The following CDKL5 variants were observed in gnomAD, a reference collection of about 807,000 sequenced individuals.
CDKL5 encodes cyclin-dependent kinase-like 5.
CDKL5 carries 8 observed loss-of-function variants against 61.7 expected under a neutral mutation model. That is an observed-to-expected ratio of 0.13 (90% CI 0.08 to 0.23). CDKL5 has a LOEUF of 0.23. Among genes scored for constraint, CDKL5 ranks in the 10% least tolerant of loss-of-function variants. The probability of loss-of-function intolerance (pLI) is 1.00; values close to 1 mark genes in which losing one functional copy is unlikely to be tolerated. For synonymous variants in CDKL5, 275 were observed against 272.3 expected (o/e 1.01, Z -0.10); for missense variants, 440 against 734.5 (o/e 0.60, Z 4.63).
chrX:18,555,495 G>A lies in CDKL5; in HGVS notation c.100-8982G>A, dbSNP rs778695281. 1.9e-4 allele frequency among the ~76,000 whole-genome samples: 21 copies of A among 111,986 alleles called. No individual in the cohort carries two copies. In the South Asian group the frequency reaches 7.7e-3, roughly 41 times the overall value. On this transcript the variant is annotated intron_variant, in intron 3 of 17. Coordinates refer to ENST00000623535, the MANE Select transcript of CDKL5 (RefSeq NM_001323289.2). ...GATAGAAATTACCTCTGGGTAGAGG[G>A]AATGGGAATGAATGAAGTTTTATTT...
intron 1 of CDKL5, among the ~76,000 whole-genome samples, chrX:18,458,439 A>G (rs1326795079): frequency 8.9e-6 from 1 of 111,929 alleles, no homozygotes; most frequent in East Asian, 2.8e-4. Context: ...TTAATTAGAC[A>G]TTAAATTTAT....
chrX:18,616,717 A>C (rs1488329941), intron 15 of CDKL5, among the ~76,000 whole-genome samples: 1 of 111,884 alleles, frequency 8.9e-6, no homozygotes, highest in African/African-American at 3.3e-5. Context: ...AAGGTTATGA[A>C]TATATTGATA....
Position 18,564,536 on chromosome X carries a change from T to C in CDKL5, c.145+14T>C. 1 of 612,521 alleles carries C rather than the reference T, an allele frequency of 1.6e-6. No individual in the cohort carries two copies. Among genetic ancestry groups the C allele is most frequent in the Non-Finnish European group, 2.3e-6 (1 of 433,058 alleles). 50.5% of individuals were successfully genotyped at this position (612,521 alleles called of 1,213,427 possible). A position where few individuals can be genotyped will look rare whatever the true frequency, so the allele number is the denominator to read the frequency against. ...AGGACAGTGAAGGTAGATATATATA[T>C]ATATATATATATATCTGTATATATG... On this transcript the variant is annotated intron_variant, in intron 4 of 17. Coordinates refer to ENST00000623535, the MANE Select transcript of CDKL5 (RefSeq NM_001323289.2).
At chrX:18,498,090 A>C in intron 1 of CDKL5, among the ~76,000 whole-genome samples, 2 of 110,776 alleles carry the variant, frequency 1.8e-5, no homozygotes. Flanking sequence ...TCAGCCTTCC[A>C]AAGTGCCGCC....
At chrX:18,572,847 G>A (rs749907535) in intron 4 of CDKL5, among the ~76,000 whole-genome samples, 1 of 111,981 alleles carries the variant, frequency 8.9e-6, no homozygotes, top group Non-Finnish European at 1.9e-5. Context: ...TCCTCCATGA[G>A]CTCTTGATTT....
intron 10 of CDKL5, among the ~76,000 whole-genome samples, chrX:18,596,000 A>G (rs981353377): frequency 1.8e-5 from 2 of 110,803 alleles, no homozygotes; most frequent in Non-Finnish European, 3.8e-5. Context: ...TCTTTATTCA[A>G]GTTTATTTTT....
At chrX:18,610,516 G>A (rs1926515661) in intron 14 of CDKL5, among the ~76,000 whole-genome samples, 1 of 112,614 alleles carries the variant, frequency 8.9e-6, no homozygotes, top group Non-Finnish European at 1.9e-5. Flanking sequence ...AGTTCTCTTC[G>A]TGTTCTCTTC....
intron 1 of CDKL5, among the ~76,000 whole-genome samples, chrX:18,506,103 C>G (rs752292132): frequency 1.2e-4 from 13 of 112,487 alleles, no homozygotes; most frequent in Non-Finnish European, 2.3e-4. Flanking sequence ...CTCAAATATT[C>G]CCGATTAGGC....
At chrX:18,551,978 G>A (rs927951624) in intron 3 of CDKL5, among the ~76,000 whole-genome samples, 1 of 109,599 alleles carries the variant, frequency 9.1e-6, no homozygotes, top group Admixed American at 9.8e-5. Flanking sequence ...GCCAGCTTAC[G>A]ACTGTAATCC....
At chrX:18,430,207 C>T (rs1318909962) in intron 1 of CDKL5, among the ~76,000 whole-genome samples, 1 of 112,232 alleles carries the variant, frequency 8.9e-6, no homozygotes, top group Non-Finnish European at 1.9e-5. Context: ...GTAGTTGTTT[C>T]TAATTAGCTA....
intron 14 of CDKL5, 60 bp from the exon 15 acceptor site, chrX:18,613,092 C>G: frequency 1.6e-6 from 1 of 634,812 alleles, no homozygotes; most frequent in Admixed American, 3.4e-5. Context: ...GAGACTCTGT[C>G]TAAAAAAAAA....
chrX:18,620,313 A>G (rs1926852831), intron 16 of CDKL5, among the ~76,000 whole-genome samples: 1 of 112,371 alleles, frequency 8.9e-6, no homozygotes, highest in South Asian at 3.7e-4. Flanking sequence ...GCATAAACTT[A>G]GGAAATGGGT....
At chrX:18,512,683 A>G (rs1922870919) in intron 3 of CDKL5, among the ~76,000 whole-genome samples, 1 of 111,238 alleles carries the variant, frequency 9.0e-6, no homozygotes, top group Non-Finnish European at 1.9e-5. Flanking sequence ...TAAATATAAT[A>G]AAAATAAATT....
chrX:18,518,386 TTA>T (rs1569200492), intron 3 of CDKL5, among the ~76,000 whole-genome samples: 25 of 79,117 alleles, frequency 3.2e-4, no homozygotes, highest in African/African-American at 1.3e-3. Context: ...TTTTCTTTTC[TTA>T]TTTTTTTTTT....
chrX:18,551,319 T>A, intron 3 of CDKL5, among the ~76,000 whole-genome samples: 1 of 109,962 alleles, frequency 9.1e-6, no homozygotes, highest in Admixed American at 9.8e-5. Flanking sequence ...CTGTGTAAAC[T>A]AGCCCTCTTA....
At chrX:18,536,558 G>A (rs1199744798) in intron 3 of CDKL5, among the ~76,000 whole-genome samples, 2 of 97,559 alleles carry the variant, frequency 2.1e-5, no homozygotes, top group African/African-American at 3.8e-5. Flanking sequence ...TGATTCTCCT[G>A]CCTCAGCCTC....
intron 1 of CDKL5, among the ~76,000 whole-genome samples, chrX:18,466,194 A>G (rs1391997855): frequency 9.0e-6 from 1 of 111,614 alleles, no homozygotes; most frequent in African/African-American, 3.3e-5. Flanking sequence ...AATCATTATT[A>G]CTGGAAGCAG....
In CDKL5 at chrX:18,632,868, G is replaced by A; in HGVS notation, c.*4111G>A. On this transcript the variant is annotated 3_prime_UTR_variant, in exon 18 of 18. Transcript: ENST00000623535. Reference sequence around the variant, plus strand: ...CTCACTTCTTAAACTAGTCTTTAGAGTAAATAAGGAAAAAAGCCATTTATT... The same window carrying A: ...CTCACTTCTTAAACTAGTCTTTAGAATAAATAAGGAAAAAAGCCATTTATT... 4 of 753,063 alleles carry A rather than the reference G, an allele frequency of 5.3e-6. No individual in the cohort carries two copies. The highest frequency in any genetic ancestry group is 6.3e-6 in the Non-Finnish European group (4 of 638,233). The allele number at this position is 753,063 out of a possible 1,213,427, so 62.1% of individuals were successfully genotyped here.
At chrX:18,461,491 C>G (rs769463669) in intron 1 of CDKL5, among the ~76,000 whole-genome samples, 1 of 112,014 alleles carries the variant, frequency 8.9e-6, no homozygotes, top group Non-Finnish European at 1.9e-5. Context: ...AACTAAGCAT[C>G]TTATCTCTCC....
Sources: gnomAD v4.1 joint callset for allele counts (sites outside exome capture counted in the v4.1 genomes callset) on GRCh38, gnomAD v4.1.1 for gene constraint, MANE v1.5 for transcripts, NCBI Gene and HGNC (gene_info 2026-07-23, HGNC 2026-07-21) for gene names.